Variants in IL31RA observed in about 807,000 individuals in gnomAD.
The protein encoded by IL31RA is interleukin-31 receptor subunit alpha.
A neutral mutation model predicts 83.7 loss-of-function variants in IL31RA; 66 were observed. The observed-to-expected ratio is 0.79, with a 90% confidence interval of 0.65 to 0.97. IL31RA has a LOEUF of 0.97. Among genes scored for constraint, IL31RA ranks in the 50% least tolerant of loss-of-function variants. IL31RA has a pLI of 0.00. For missense variants in IL31RA, 798 were observed against 919.4 expected, an observed-to-expected ratio of 0.87 and a Z score of 1.71; for synonymous variants, 325 against 329.0, an observed-to-expected ratio of 0.99 and a Z score of 0.13.
intron 2 of IL31RA, among the ~76,000 whole-genome samples, chr5:55,867,233 TTGTGTGTGTGTTTG>T (rs1746192876): frequency 2.8e-5 from 3 of 109,054 alleles, no homozygotes; most frequent in African/African-American, 8.5e-5. Flanking sequence ...GTGTGTGTGT[TTGTGTGTGTGTTTG>T]TGTGTGCGTG....
intron 6 of IL31RA, among the ~76,000 whole-genome samples, chr5:55,895,006 C>T (rs569233246): frequency 6.3e-4 from 96 of 152,322 alleles, no homozygotes; most frequent in Admixed American, 1.1e-3. Context: ...CATGAGCCAC[C>T]GTGCCCAGCC....
chr5:55,893,306 G>T (rs553358019), intron 6 of IL31RA, among the ~76,000 whole-genome samples: 109 of 152,328 alleles, frequency 7.2e-4, no homozygotes, highest in African/African-American at 2.6e-3. Context: ...ACAGGGCTGT[G>T]GGCATTAAAT....
In IL31RA at chr5:55,851,387, A is replaced by C; in HGVS notation, c.-184A>C. 1.0e-6 allele frequency: 1 copy of C among 957,640 alleles called. No individual in the cohort carries two copies. The highest frequency in any genetic ancestry group is 1.6e-6 in the Non-Finnish European group (1 of 634,918). The allele number at this position is 957,640 out of a possible 1,614,324, so 59.3% of individuals were successfully genotyped here. A position where few individuals can be genotyped will look rare whatever the true frequency, so the allele number is the denominator to read the frequency against. On this transcript the variant is annotated 5_prime_UTR_variant, in exon 1 of 15. Transcript: ENST00000652347. Reference sequence around the variant, plus strand: ...CTCCTTCTGCTTAGGAACACCAGACAGCACTCCAGCACTCTGCTTGGGGGG... The same window carrying C: ...CTCCTTCTGCTTAGGAACACCAGACCGCACTCCAGCACTCTGCTTGGGGGG...
chr5:55,881,172 G>T (rs997896890), intron 4 of IL31RA, among the ~76,000 whole-genome samples: 8 of 152,052 alleles, frequency 5.3e-5, no homozygotes, highest in African/African-American at 1.7e-4. Context: ...CGTGGTGGCA[G>T]ATGCCTGTAG....
rs1291049030 is a variant in IL31RA at position 55,918,981 on chromosome 5, C to A, written c.*1861C>A. Among the ~76,000 whole-genome samples, 1 of 152,152 alleles carries A rather than the reference C, an allele frequency of 6.6e-6. No homozygotes were observed. Among genetic ancestry groups the A allele is most frequent in the African/African-American group, 2.4e-5 (1 of 41,444 alleles). On this transcript the variant is annotated 3_prime_UTR_variant, in exon 15 of 15. Transcript: ENST00000652347. ...AGGGACCAAACAAAAGAGATGCGTC[C>A]AATTCTCATGCCGCCCCTGATGTCT...
intron 1 of IL31RA, among the ~76,000 whole-genome samples, chr5:55,854,372 C>A (rs1169077740): frequency 8.5e-5 from 13 of 152,230 alleles, no homozygotes; most frequent in African/African-American, 9.6e-5. Flanking sequence ...GCTGAAATTG[C>A]CAAGATTTAA....
rs950424234 is a variant in IL31RA, at chr5:55,851,555, TC to T, written c.-14del. 6.2e-7 allele frequency: 1 copy of T among 1,613,934 alleles called. No homozygotes were observed. Among genetic ancestry groups the T allele is most frequent in the African/African-American group, 1.3e-5 (1 of 74,912 alleles). On this transcript the variant is annotated 5_prime_UTR_variant, in exon 1 of 15. Coordinates refer to ENST00000652347, the MANE Select transcript of IL31RA (RefSeq NM_139017.7). Reference sequence around the variant, plus strand: ...ACAGGAAGGCAGAGTGTCAGCTTGTTCCACCTCAGCTGGGAATGTGCATCAG... The same window carrying T: ...ACAGGAAGGCAGAGTGTCAGCTTGTTCACCTCAGCTGGGAATGTGCATCAG...
chr5:55,910,675 G>T lies in IL31RA; in HGVS notation c.1642+3G>T. 1.2e-6 allele frequency: 2 copies of T among 1,614,114 alleles called. No homozygotes were observed. The highest frequency in any genetic ancestry group is 1.7e-6 in the Non-Finnish European group (2 of 1,179,974). On this transcript the variant is annotated splice_donor_region_variant and intron_variant, in intron 12 of 14. Coordinates refer to ENST00000652347, the MANE Select transcript of IL31RA (RefSeq NM_139017.7). ...AAATTTCAAGACATTGTCATTCAGT[G>T]AGTATTTCCTTCAAGCCTTAGGTAC...
At chr5:55,878,572 T>G (rs912200533) in intron 4 of IL31RA, among the ~76,000 whole-genome samples, 1 of 152,260 alleles carries the variant, frequency 6.6e-6, no homozygotes, top group African/African-American at 2.4e-5. Flanking sequence ...ACTTAAAGTC[T>G]TCTCAGTTCT....
chr5:55,884,233 C>T lies in IL31RA; in HGVS notation c.606+1038C>T, dbSNP rs191764839. ...AAACATCTTTCACTATGTGGCATGA[C>T]GTTTCACTCTCTTAATGGTGACTTT... On this transcript the variant is annotated intron_variant, in intron 5 of 14. Coordinates refer to ENST00000652347, the MANE Select transcript of IL31RA (RefSeq NM_139017.7). 2.3e-3 allele frequency among the ~76,000 whole-genome samples: 355 copies of T among 152,222 alleles called. 1 individual carries two copies. Among genetic ancestry groups the T allele is most frequent in the African/African-American group, 7.6e-3 (316 of 41,530 alleles).
chr5:55,862,410 A>AT (rs915747618), intron 2 of IL31RA, among the ~76,000 whole-genome samples: 9 of 151,480 alleles, frequency 5.9e-5, no homozygotes, highest in African/African-American at 1.7e-4. Flanking sequence ...TTTATTTTTA[A>AT]TTTTTTTTTC....
chr5:55,892,814 A>G, intron 6 of IL31RA, among the ~76,000 whole-genome samples: 1 of 152,162 alleles, frequency 6.6e-6, no homozygotes, highest in East Asian at 1.9e-4. Context: ...TTGCTATTTC[A>G]TCTGATTTAT....
chr5:55,860,372 A>C (rs992409366), intron 2 of IL31RA, among the ~76,000 whole-genome samples: 174 of 17,126 alleles, frequency 0.01, no homozygotes, highest in Admixed American at 0.036. Flanking sequence ...GTCTCAAAAA[A>C]AAAAAAAATG....
chr5:55,904,983 T>C (rs1213873098), intron 8 of IL31RA, among the ~76,000 whole-genome samples: 26 of 151,656 alleles, frequency 1.7e-4, no homozygotes, highest in African/African-American at 6.1e-4. Flanking sequence ...GCAGATCACT[T>C]GAGGTCAGAA....
upstream of IL31RA, among the ~76,000 whole-genome samples, chr5:55,847,242 TAAAAATAAATAAATAAATA>T (rs1744951673): frequency 2.3e-4 from 26 of 115,090 alleles, no homozygotes; most frequent in East Asian, 1.0e-3. Context: ...AAAAAAAAAA[TAAAAATAAATAAATAAATA>T]AATAAATAAA....
At chr5:55,881,077 C>T (rs948878845) in intron 4 of IL31RA, among the ~76,000 whole-genome samples, 1 of 151,850 alleles carries the variant, frequency 6.6e-6, no homozygotes, top group Non-Finnish European at 1.5e-5. Flanking sequence ...CTGAGGCGGG[C>T]GGATCACGAG....
chr5:55,917,472 G>C lies in IL31RA; in HGVS notation c.*352G>C, dbSNP rs780280285. 4.6e-6 allele frequency: 2 copies of C among 435,914 alleles called. No homozygotes were observed. The highest frequency in any genetic ancestry group is 7.3e-6 in the Non-Finnish European group (2 of 273,318). 27.0% of individuals were successfully genotyped at this position (435,914 alleles called of 1,614,324 possible). Reference sequence around the variant, plus strand: ...ACATATCTGGCCTCCCAGGAATTGGGTCATGGTCCCAGCCTTTGCTGGGGC... The same window carrying C: ...ACATATCTGGCCTCCCAGGAATTGGCTCATGGTCCCAGCCTTTGCTGGGGC... On this transcript the variant is annotated 3_prime_UTR_variant, in exon 15 of 15. Coordinates refer to ENST00000652347, the MANE Select transcript of IL31RA (RefSeq NM_139017.7).
rs1017880578 is a variant in IL31RA, at chr5:55,917,600, CA to C, written c.*482del. The stretch of plus-strand genomic sequence containing the variant: ...GAGCCTGGGCTCTGGTCTTCCCCTA[CA>C]AGGTAGCCCTGAAGCCTTCCTCTCT... On this transcript the variant is annotated 3_prime_UTR_variant, in exon 15 of 15. Coordinates refer to ENST00000652347, the MANE Select transcript of IL31RA (RefSeq NM_139017.7). Among the ~76,000 whole-genome samples the C allele has an allele frequency of 1.3e-5, 2 of 152,178 alleles. No homozygotes were observed. Among genetic ancestry groups the C allele is most frequent in the African/African-American group, 4.8e-5 (2 of 41,442 alleles).
intron 4 of IL31RA, among the ~76,000 whole-genome samples, chr5:55,874,778 A>G (rs73116485): frequency 0.022 from 3,341 of 152,164 alleles, 85 homozygotes; most frequent in African/African-American, 0.058. Flanking sequence ...TTTTAGGTGG[A>G]TTCCTTAGGA....
Sources: allele counts gnomAD v4.1 joint callset (sites outside exome capture counted in the v4.1 genomes callset), GRCh38; gene constraint gnomAD v4.1.1; transcripts MANE v1.5; gene names NCBI Gene and HGNC (gene_info 2026-07-23, HGNC 2026-07-21).